The following WDR49 variants were observed in gnomAD, a reference collection of about 807,000 sequenced individuals.
The protein encoded by WDR49 is cilia- and flagella-associated protein 337.
In WDR49, 107 loss-of-function variants were observed where a neutral mutation model predicts 119.5. The observed-to-expected ratio is 0.90, with a 90% CI of 0.77 to 1.05. WDR49 has a LOEUF of 1.05. Ranked by LOEUF, WDR49 falls within the 50% of genes least tolerant of loss-of-function variation. The pLI is 0.00. For missense variants in WDR49, 1,240 were observed against 1,220.5 expected (o/e 1.02, Z -0.24); for synonymous variants, 425 against 418.8 (o/e 1.01, Z -0.18).
rs185016281 is a variant in WDR49 at position 167,583,698 on chromosome 3, C to A, written c.1276-7547G>T. Reference sequence around the variant, plus strand: ...AAAGAACAACAACCAGAAGCCTAAGCCTTGGCCCAATAGCAAGGTACAGCC... The same window carrying A: ...AAAGAACAACAACCAGAAGCCTAAGACTTGGCCCAATAGCAAGGTACAGCC... On this transcript the variant is annotated intron_variant, in intron 7 of 18. Coordinates refer to ENST00000682715, the MANE Select transcript of WDR49 (RefSeq NM_001366157.1). Among the ~76,000 whole-genome samples the A allele has an allele frequency of 2.0e-5, 3 of 152,242 alleles. No homozygotes were observed. In the East Asian group the frequency reaches 5.8e-4, roughly 29 times the overall value.
intron 18 of WDR49, among the ~76,000 whole-genome samples, chr3:167,489,296 G>A (rs896635440): frequency 6.6e-6 from 1 of 151,954 alleles, no homozygotes; most frequent in Non-Finnish European, 1.5e-5. Flanking sequence ...CAAAGGGGTT[G>A]GCTCACTCCT....
intron 7 of WDR49, among the ~76,000 whole-genome samples, chr3:167,597,989 G>C (rs865929219): frequency 3.6e-4 from 55 of 152,214 alleles, no homozygotes; most frequent in African/African-American, 1.3e-3. Context: ...GGACCATGAT[G>C]GGGGCATGAT....
intron 3 of WDR49, among the ~76,000 whole-genome samples, chr3:167,623,706 T>G (rs186954535): frequency 6.6e-6 from 1 of 152,068 alleles, no homozygotes; most frequent in East Asian, 1.9e-4. Flanking sequence ...ACCAGATAAA[T>G]TAAGCAAGAA....
At chr3:167,557,824 A>T (rs1052810026) in intron 9 of WDR49, among the ~76,000 whole-genome samples, 1 of 152,190 alleles carries the variant, frequency 6.6e-6, no homozygotes, top group African/African-American at 2.4e-5. Flanking sequence ...TGAAATGCTC[A>T]GAATAGTGCC....
chr3:167,533,298 G>A (rs1752914732), intron 11 of WDR49, among the ~76,000 whole-genome samples: 1 of 152,030 alleles, frequency 6.6e-6, no homozygotes, highest in African/African-American at 2.4e-5. Context: ...CACTTACTGT[G>A]TGACCTTGGG....
chr3:167,592,427 TTTTC>T (rs1715166110), intron 7 of WDR49, among the ~76,000 whole-genome samples: 1 of 148,188 alleles, frequency 6.7e-6, no homozygotes, highest in South Asian at 2.1e-4. Context: ...GATGATTTCT[TTTTC>T]TTTTTCTTTT....
At position 167,620,457 on chromosome 3, in the gene WDR49, T is replaced by A. The variant is rs1490907611; in HGVS notation, c.930A>T (p.Lys310Asn). 2 of 1,535,816 alleles carry A rather than the reference T, an allele frequency of 1.3e-6. No homozygotes were observed. ...GCCTGACCCAATCTCCTTGATGAAG[T>A]TTATGCTCTAATATATGGCAACATT... ...CHKCCHILEH[K>N]LHQGDWVRQV... Residue 310 changes from lysine (K) to asparagine (N), a missense_variant, in exon 5 of 19, where the codon AAA becomes AAT. Physicochemically the swap from Lys to Asn is moderately conservative, Grantham distance 94. Transcript: ENST00000682715.
chr3:167,550,498 G>A (rs1272999226), intron 10 of WDR49, among the ~76,000 whole-genome samples: 2 of 151,806 alleles, frequency 1.3e-5, no homozygotes, highest in Admixed American at 1.3e-4. Flanking sequence ...TTTTTCTTAT[G>A]TGTGCATGTC....
chr3:167,617,851 C>T (rs1482818079), intron 5 of WDR49, among the ~76,000 whole-genome samples: 1 of 152,194 alleles, frequency 6.6e-6, no homozygotes, highest in Admixed American at 6.5e-5. Flanking sequence ...TGATCAAAAA[C>T]CTTCTAACTA....
At chr3:167,541,233 G>C (rs574321038) in intron 10 of WDR49, among the ~76,000 whole-genome samples, 11 of 151,980 alleles carry the variant, frequency 7.2e-5, no homozygotes, top group Admixed American at 1.3e-4. Flanking sequence ...AAAGATCATC[G>C]CCCAGGCACA....
chr3:167,598,755 T>C (rs1447645045), intron 7 of WDR49, among the ~76,000 whole-genome samples: 2 of 152,204 alleles, frequency 1.3e-5, no homozygotes, highest in East Asian at 3.9e-4. Context: ...TCCAGATATT[T>C]GAAAGGAATT....
Position 167,519,341 on chromosome 3 carries a change from C to T in WDR49, c.2774+2974G>A, listed in dbSNP as rs112456626. 4.2e-3 allele frequency among the ~76,000 whole-genome samples: 642 copies of T among 152,180 alleles called. 1 individual carries two copies. Among genetic ancestry groups the T allele is most frequent in the African/African-American group, 0.014 (601 of 41,524 alleles). On this transcript the variant is annotated intron_variant, in intron 16 of 18. Transcript: ENST00000682715. ...TGTTATAAAGATACAAGCACACATA[C>T]GTTCATTACAGCACTATTCACAATA...
chr3:167,631,381 A>T (rs1334728316), intron 2 of WDR49, among the ~76,000 whole-genome samples: 1 of 152,128 alleles, frequency 6.6e-6, no homozygotes, highest in African/African-American at 2.4e-5. Flanking sequence ...AAGAAAGCAG[A>T]GTGTTGCCTT....
At chr3:167,524,840 G>T (rs746120259) in intron 15 of WDR49, among the ~76,000 whole-genome samples, 1 of 152,144 alleles carries the variant, frequency 6.6e-6, no homozygotes, top group African/African-American at 2.4e-5. Context: ...CAGGTAGCAT[G>T]ATGTCTCCAG....
intron 7 of WDR49, 36 bp from the exon 8 acceptor site, chr3:167,576,187 A>G: frequency 1.3e-6 from 2 of 1,576,398 alleles, no homozygotes; most frequent in Admixed American, 3.6e-5. Context: ...TCAATATGTC[A>G]AAGATAATTG....
At chr3:167,516,389 G>T (rs950580516) in intron 16 of WDR49, among the ~76,000 whole-genome samples, 1 of 151,876 alleles carries the variant, frequency 6.6e-6, no homozygotes, top group Non-Finnish European at 1.5e-5. Flanking sequence ...TGAGAATGAT[G>T]GTTTCCAGCT....
At chr3:167,535,247 T>C (rs541248850) in intron 11 of WDR49, among the ~76,000 whole-genome samples, 1 of 152,250 alleles carries the variant, frequency 6.6e-6, no homozygotes, top group South Asian at 2.1e-4. Context: ...GAGCAAGTGC[T>C]GCTTCTTCAA....
chr3:167,535,378 C>T (rs1315619679), intron 11 of WDR49, among the ~76,000 whole-genome samples: 2 of 151,206 alleles, frequency 1.3e-5, no homozygotes, highest in Non-Finnish European at 2.9e-5. Flanking sequence ...AAATATATAA[C>T]AAAATCAAAC....
chr3:167,569,220 G>A (rs1457760461), intron 8 of WDR49, among the ~76,000 whole-genome samples: 1 of 152,136 alleles, frequency 6.6e-6, no homozygotes, highest in East Asian at 1.9e-4. Flanking sequence ...GGGATTACAG[G>A]CATGAGCCAC....
Sources: allele counts gnomAD v4.1 joint callset (sites outside exome capture counted in the v4.1 genomes callset), GRCh38; gene constraint gnomAD v4.1.1; transcripts MANE v1.5; gene names NCBI Gene and HGNC (gene_info 2026-07-23, HGNC 2026-07-21).